DIAPH2: variants seen among roughly 807,000 people sequenced by gnomAD.
The protein encoded by DIAPH2 is diaphanous related formin 2, also known as protein diaphanous homolog 2.
DIAPH2 carries 35 observed loss-of-function variants against 92.7 expected under a neutral mutation model. The observed-to-expected ratio is 0.38, with a 90% CI of 0.29 to 0.50. The LOEUF (loss-of-function observed/expected upper bound fraction) is 0.50, where lower values mean the gene tolerates loss of function less well. DIAPH2 is among the 20% of genes least tolerant of loss of function. The pLI is 0.94. For missense variants in DIAPH2, 701 were observed against 819.5 expected, an observed-to-expected ratio of 0.86 and a Z score of 1.77; for synonymous variants, 301 against 280.4, an observed-to-expected ratio of 1.07 and a Z score of -0.73.
intron 17 of DIAPH2, among the ~76,000 whole-genome samples, chrX:97,053,918 AG>A (rs1322353253): frequency 1.8e-5 from 2 of 112,032 alleles, no homozygotes; most frequent in African/African-American, 6.5e-5. Flanking sequence ...TTCAGGCTCT[AG>A]GATCACCCAC....
intron 26 of DIAPH2, among the ~76,000 whole-genome samples, chrX:97,471,506 C>T (rs992237164): frequency 1.8e-5 from 2 of 109,646 alleles, no homozygotes; most frequent in African/African-American, 3.3e-5. Flanking sequence ...GCCTGGCCAA[C>T]ATGGTGAAAC....
At chrX:96,971,944 C>G (rs1347388415) in intron 17 of DIAPH2, among the ~76,000 whole-genome samples, 1 of 111,858 alleles carries the variant, frequency 8.9e-6, no homozygotes, top group Admixed American at 9.5e-5. Context: ...GCTGAAGTTC[C>G]TTGTCATTCG....
chrX:96,994,749 G>A (rs1431293485), intron 17 of DIAPH2, among the ~76,000 whole-genome samples: 3 of 111,233 alleles, frequency 2.7e-5, no homozygotes, highest in Non-Finnish European at 5.7e-5. Context: ...GCAGCAGGAA[G>A]GAGAAGTGCC....
At chrX:97,211,484 A>C (rs1396094310) in intron 22 of DIAPH2, among the ~76,000 whole-genome samples, 1 of 111,860 alleles carries the variant, frequency 8.9e-6, no homozygotes, top group African/African-American at 3.2e-5. Flanking sequence ...CAGTAGACCA[A>C]AGTGAAAACA....
chrX:97,225,636 T>C (rs2067959165), intron 22 of DIAPH2, among the ~76,000 whole-genome samples: 1 of 111,711 alleles, frequency 9.0e-6, no homozygotes, highest in African/African-American at 3.2e-5. Context: ...ATGTTCTGAG[T>C]CCATCATTTC....
At chrX:97,318,459 A>G (rs1402086359) in intron 23 of DIAPH2, among the ~76,000 whole-genome samples, 1 of 92,925 alleles carries the variant, frequency 1.1e-5, no homozygotes, top group Non-Finnish European at 2.1e-5. Flanking sequence ...ATTCTTGATT[A>G]CAGTTTTCTT....
intron 26 of DIAPH2, among the ~76,000 whole-genome samples, chrX:97,574,849 C>T (rs1008158964): frequency 1.8e-5 from 2 of 111,601 alleles, no homozygotes; most frequent in African/African-American, 6.5e-5. Flanking sequence ...TATCTTCTAA[C>T]GATATAGAAG....
At position 97,599,277 on chromosome X, in the gene DIAPH2, G is replaced by T; in HGVS notation, c.3266G>T (p.Arg1089Met). The T allele has an allele frequency of 8.4e-7, 1 of 1,195,722 alleles. No homozygotes were observed. Residue 1089 changes from arginine (R) to methionine (M), a missense_variant, in exon 27 of 27, where the codon AGG becomes ATG. Physicochemically the swap from Arg to Met is moderately conservative, Grantham distance 91. Transcript: ENST00000324765. Reference sequence around the variant, plus strand: ...GATAACAGACGAGTACCTTTGGAAAGGTCACGCTCTCGCCACAATGGAGCT... The same window carrying T: ...GATAACAGACGAGTACCTTTGGAAATGTCACGCTCTCGCCACAATGGAGCT... ...NPDNRRVPLE[R>M]SRSRHNGAIS... is the part of the protein sequence containing the mutation.
chrX:97,022,780 A>G, intron 17 of DIAPH2, among the ~76,000 whole-genome samples: 1 of 112,131 alleles, frequency 8.9e-6, no homozygotes, highest in South Asian at 3.7e-4. Flanking sequence ...GTTGCTGGGC[A>G]TGGTGGTTCA....
intron 4 of DIAPH2, among the ~76,000 whole-genome samples, chrX:96,869,730 A>C (rs944728218): frequency 2.7e-5 from 3 of 110,851 alleles, no homozygotes; most frequent in Non-Finnish European, 5.7e-5. Context: ...ATTGTTAACG[A>C]AAGTACTCAC....
intron 23 of DIAPH2, among the ~76,000 whole-genome samples, chrX:97,285,383 CAAAAAAA>C (rs11336007): frequency 1.0e-4 from 4 of 38,116 alleles, no homozygotes; most frequent in South Asian, 3.6e-3. Context: ...ACTAAAAATA[CAAAAAAA>C]AAAAAAAAAA....
chrX:97,369,540 C>CT (rs1011786343), intron 24 of DIAPH2, among the ~76,000 whole-genome samples: 2 of 99,457 alleles, frequency 2.0e-5, no homozygotes, highest in South Asian at 4.9e-4. Flanking sequence ...ATCAGTGCTC[C>CT]TTTTTTTGTT....
chrX:97,089,537 C>T (rs1008577766), intron 19 of DIAPH2, among the ~76,000 whole-genome samples: 1 of 110,852 alleles, frequency 9.0e-6, no homozygotes, highest in African/African-American at 3.3e-5. Context: ...TATTGGGTCA[C>T]CATATATTGT....
chrX:96,941,897 A>G (rs938846600), intron 12 of DIAPH2, 121 bp from the exon 13 acceptor site: 4 of 463,690 alleles, frequency 8.6e-6, no homozygotes, highest in South Asian at 3.3e-5. Context: ...TAGTGGCTGC[A>G]GGATTTTTTA....
intron 17 of DIAPH2, among the ~76,000 whole-genome samples, chrX:97,055,710 A>G (rs1321994822): frequency 1.8e-5 from 2 of 111,619 alleles, no homozygotes; most frequent in African/African-American, 3.3e-5. Context: ...TCACTAATAT[A>G]TAAGGAGTAG....
intron 4 of DIAPH2, among the ~76,000 whole-genome samples, chrX:96,763,776 G>A (rs755606137): frequency 3.0e-4 from 33 of 110,807 alleles, no homozygotes; most frequent in Non-Finnish European, 5.1e-4. Context: ...TATATAACAC[G>A]CCCAAAGTGG....
intron 1 of DIAPH2, among the ~76,000 whole-genome samples, chrX:96,723,633 CATT>C (rs983593042): frequency 1.6e-4 from 18 of 111,960 alleles, no homozygotes; most frequent in Non-Finnish European, 3.0e-4. Flanking sequence ...ATTCAACCAT[CATT>C]GAGAACTTTG....
chrX:97,410,617 G>A (rs2069860145), intron 25 of DIAPH2, among the ~76,000 whole-genome samples: 1 of 111,924 alleles, frequency 8.9e-6, no homozygotes, highest in Non-Finnish European at 1.9e-5. Flanking sequence ...ACTTCTCCGA[G>A]CTAAAGGAGG....
At position 96,916,424 on chromosome X, in the gene DIAPH2, T is replaced by TC. The variant is rs200248619; in HGVS notation, c.733-14_733-13insC. On this transcript the variant is annotated splice_polypyrimidine_tract_variant and intron_variant, in intron 7 of 26. Transcript: ENST00000324765. ...TAGACATTCTGAATGAAGGTTTTTT[T>TC]TTTTTTTTTTTAGTTTGGATTACAA... 0.043 allele frequency: 46,784 copies of TC among 1,078,552 alleles called. 379 individuals carry two copies. The highest frequency in any genetic ancestry group is 0.065 in the Middle Eastern group (245 of 3,771). 88.9% of individuals were successfully genotyped at this position (1,078,552 alleles called of 1,213,427 possible).
Sources: gnomAD v4.1 joint callset for allele counts (sites outside exome capture counted in the v4.1 genomes callset) on GRCh38, gnomAD v4.1.1 for gene constraint, MANE v1.5 for transcripts, NCBI Gene and HGNC (gene_info 2026-07-23, HGNC 2026-07-21) for gene names.